ITGA4: variants seen among roughly 807,000 people sequenced by gnomAD.
The protein encoded by ITGA4 is integrin subunit alpha 4.
ITGA4 carries 63 observed loss-of-function variants against 133.6 expected under a neutral mutation model. The ratio of observed to expected loss-of-function variants is 0.47; its 90% CI spans 0.38 to 0.58. ITGA4 has a LOEUF of 0.58. ITGA4 is among the 20% of genes least tolerant of loss of function. The pLI, the probability that ITGA4 is intolerant of heterozygous loss-of-function variation, is 0.00. For missense variants in ITGA4, 1,076 were observed against 1,252.7 expected, an observed-to-expected ratio of 0.86 and a Z score of 2.13; for synonymous variants, 483 against 438.0, an observed-to-expected ratio of 1.10 and a Z score of -1.28.
At chr2:181,525,179 C>T (rs1559056213) in intron 20 of ITGA4, 23 bp from the exon 21 acceptor site, 1 of 1,358,842 alleles carries the variant, frequency 7.4e-7, no homozygotes, top group African/African-American at 1.4e-5. Context: ...TGAATTCTAA[C>T]AGGGTGTTTT....
rs748981170 is a variant in ITGA4, at chr2:181,537,739, TA to T, written c.*2220del. The T allele has an allele frequency of 2.3e-5, 10 of 440,820 alleles. No homozygotes were observed. The highest frequency in any genetic ancestry group is 8.1e-5 in the African/African-American group (4 of 49,314). 27.3% of individuals were successfully genotyped at this position (440,820 alleles called of 1,614,324 possible). Reference sequence around the variant, plus strand: ...TTTTGTGTGTCCAATAAACACATTGTAAAAAAAAGAATTTGAATTGATATCT... The same window carrying T: ...TTTTGTGTGTCCAATAAACACATTGTAAAAAAAGAATTTGAATTGATATCT... On this transcript the variant is annotated 3_prime_UTR_variant, in exon 28 of 28. Transcript: ENST00000397033.
chr2:181,514,057 C>T (rs1416956152), intron 17 of ITGA4, among the ~76,000 whole-genome samples: 1 of 152,072 alleles, frequency 6.6e-6, no homozygotes, highest in Non-Finnish European at 1.5e-5. Context: ...GGATCAGATT[C>T]ATAGGTAGAG....
chr2:181,481,495 T>C (rs1685802912), intron 6 of ITGA4, 103 bp from the exon 7 acceptor site: 3 of 463,324 alleles, frequency 6.5e-6, no homozygotes, highest in Non-Finnish European at 7.9e-6. Flanking sequence ...CTTAATGTAG[T>C]GATTTTGAAT....
rs1414156387 is a variant in ITGA4, at chr2:181,537,786, T to A, written c.*2259T>A. The A allele has an allele frequency of 2.2e-6, 1 of 458,168 alleles. No individual in the cohort carries two copies. The highest frequency in any genetic ancestry group is 2.0e-5 in the African/African-American group (1 of 50,176). 28.4% of individuals were successfully genotyped at this position (458,168 alleles called of 1,614,324 possible). On this transcript the variant is annotated 3_prime_UTR_variant, in exon 28 of 28. Coordinates refer to ENST00000397033, the MANE Select transcript of ITGA4 (RefSeq NM_000885.6). ...TATCTAAAAACAGAATTTGAATTGATATTTCATCTTGACTTTTAAAGCCCT... is the reference window on the plus strand; with the variant it reads ...TATCTAAAAACAGAATTTGAATTGAAATTTCATCTTGACTTTTAAAGCCCT...
chr2:181,478,333 G>A (rs1685726980), intron 4 of ITGA4, among the ~76,000 whole-genome samples: 1 of 152,032 alleles, frequency 6.6e-6, no homozygotes, highest in African/African-American at 2.4e-5. Context: ...CAAGAGAGTA[G>A]ATTTCACTCT....
chr2:181,496,028 A>T, intron 14 of ITGA4, 91 bp downstream of exon 14: 1 of 1,306,412 alleles, frequency 7.7e-7, no homozygotes, highest in Non-Finnish European at 1.1e-6. Flanking sequence ...GGTTTTCACC[A>T]CGGAGATCTT....
intron 10 of ITGA4, among the ~76,000 whole-genome samples, chr2:181,486,857 A>T (rs1685931907): frequency 6.6e-6 from 1 of 152,302 alleles, no homozygotes; most frequent in African/African-American, 2.4e-5. Flanking sequence ...TGATAAGGCC[A>T]TTGGCAATTA....
chr2:181,485,786 A>G (rs1685900960), intron 9 of ITGA4, 95 bp from the exon 10 acceptor site: 1 of 1,018,770 alleles, frequency 9.8e-7, no homozygotes, highest in Non-Finnish European at 1.5e-6. Context: ...CTTGTTTGAC[A>G]CATTAGAAAA....
chr2:181,477,412 A>T (rs1685701436), intron 4 of ITGA4, among the ~76,000 whole-genome samples: 1 of 152,144 alleles, frequency 6.6e-6, no homozygotes, highest in Non-Finnish European at 1.5e-5. Context: ...TAATCAACAG[A>T]GTGAAGAGAC....
intron 1 of ITGA4, among the ~76,000 whole-genome samples, 168 bp from the exon 2 acceptor site, chr2:181,458,028 C>T (rs1016580877): frequency 1.3e-5 from 2 of 152,170 alleles, no homozygotes; most frequent in African/African-American, 2.4e-5. Flanking sequence ...GGGGCGGCAG[C>T]GCCCCGGGTG....
Position 181,481,676 on chromosome 2 carries a change from T to C in ITGA4, c.833T>C (p.Ile278Thr). ...GGAGGAGCTCCTCAACATGAGCAGA[T>C]TGGTAAGGTAAGAATTACATTTTTA... ...VVGGAPQHEQ[I>T]GKAYIFSIDE... is the part of the protein sequence containing the mutation. Residue 278 changes from isoleucine (I) to threonine (T), a missense_variant, in exon 7 of 28, where the codon ATT becomes ACT. Ile to Thr is a moderately conservative substitution (Grantham distance 89). Coordinates refer to ENST00000397033, the MANE Select transcript of ITGA4 (RefSeq NM_000885.6). 2 of 1,565,272 alleles carry C rather than the reference T, an allele frequency of 1.3e-6. No individual in the cohort carries two copies. Among genetic ancestry groups the C allele is most frequent in the Non-Finnish European group, 1.8e-6 (2 of 1,139,454 alleles).
chr2:181,485,037 C>T (rs1685883176), intron 9 of ITGA4, among the ~76,000 whole-genome samples: 1 of 152,092 alleles, frequency 6.6e-6, no homozygotes, highest in Non-Finnish European at 1.5e-5. Context: ...CCCATTATTA[C>T]ATTATTGAAT....
At chr2:181,509,636 A>G in intron 15 of ITGA4, 22 bp from the exon 16 acceptor site, 1 of 1,557,074 alleles carries the variant, frequency 6.4e-7, no homozygotes, top group Non-Finnish European at 8.6e-7. Flanking sequence ...TTGTTAATTC[A>G]TATGGTGGTT....
Position 181,516,407 on chromosome 2 carries a change from C to T in ITGA4, c.1922+4632C>T, listed in dbSNP as rs1172792682. Among the ~76,000 whole-genome samples, 1 of 152,040 alleles carries T rather than the reference C, an allele frequency of 6.6e-6. No homozygotes were observed. The highest frequency in any genetic ancestry group is 1.5e-5 in the Non-Finnish European group (1 of 67,998). On this transcript the variant is annotated intron_variant, in intron 17 of 27. Transcript: ENST00000397033. The surrounding 1 kb of genome is among the most constrained non-coding windows in gnomAD (Gnocchi z 4.0). The stretch of plus-strand genomic sequence containing the variant: ...TGGTGAACAGCTACCAAAGACTAGA[C>T]ATTGATGGTTATCTTTCCAGCTCTC...
intron 2 of ITGA4, among the ~76,000 whole-genome samples, chr2:181,473,445 A>G (rs1231796561): frequency 1.3e-5 from 2 of 152,210 alleles, no homozygotes; most frequent in African/African-American, 4.8e-5. Context: ...CTTGGTGCCA[A>G]AAAGATTGGG....
Position 181,536,979 on chromosome 2 carries a change from A to C in ITGA4, c.*1452A>C, listed in dbSNP as rs1559062557. ...ACTAGCCAGCCATCCTAATTGATGA[A>C]AGTTATCTGTTCACAGGCCTGCAGT... On this transcript the variant is annotated 3_prime_UTR_variant, in exon 28 of 28. Coordinates refer to ENST00000397033, the MANE Select transcript of ITGA4 (RefSeq NM_000885.6). The C allele has an allele frequency of 2.2e-6, 1 of 452,342 alleles. No homozygotes were observed. Among genetic ancestry groups the C allele is most frequent in the South Asian group, 1.6e-5 (1 of 63,986 alleles). The allele number at this position is 452,342 out of a possible 1,614,324, so 28.0% of individuals were successfully genotyped here. A position where few individuals can be genotyped will look rare whatever the true frequency, so the allele number is the denominator to read the frequency against.
chr2:181,504,374 T>C (rs1686348730), intron 15 of ITGA4, among the ~76,000 whole-genome samples: 1 of 152,092 alleles, frequency 6.6e-6, no homozygotes, highest in Non-Finnish European at 1.5e-5. Context: ...CTTTTTTCCA[T>C]AGTAGTTTCA....
chr2:181,524,338 A>G lies in ITGA4; in HGVS notation c.2249+88A>G, dbSNP rs188482708. 1.5e-4 allele frequency: 105 copies of G among 717,702 alleles called. No homozygotes were observed. The Admixed American group carries it at 2.6e-3, about 18-fold the overall frequency. 44.5% of individuals were successfully genotyped at this position (717,702 alleles called of 1,614,324 possible). ...TAGGAGAACCGTAAAACTGTGTTCC[A>G]TTAATTGTAAGAGAAAACTTCTCTT... On this transcript the variant is annotated intron_variant, in intron 20 of 27. Coordinates refer to ENST00000397033, the MANE Select transcript of ITGA4 (RefSeq NM_000885.6).
intron 21 of ITGA4, among the ~76,000 whole-genome samples, chr2:181,526,166 A>G (rs976721850): frequency 2.0e-5 from 3 of 152,196 alleles, no homozygotes; most frequent in African/African-American, 7.2e-5. Context: ...ACAGGAGAGT[A>G]AGACCTAGAG....
Sources: gnomAD v4.1 joint callset for allele counts (sites outside exome capture counted in the v4.1 genomes callset) on GRCh38, gnomAD v4.1.1 for gene constraint, Gnocchi (gnomAD v3.1) non-coding constraint, MANE v1.5 for transcripts, NCBI Gene and HGNC (gene_info 2026-07-23, HGNC 2026-07-21) for gene names.